CEACAM1: variants seen among roughly 807,000 people sequenced by gnomAD.
The protein encoded by CEACAM1 is cell adhesion molecule CEACAM1.
In CEACAM1, 31 loss-of-function variants were observed where a neutral mutation model predicts 49.1. The ratio of observed to expected loss-of-function variants is 0.63; its 90% CI spans 0.47 to 0.85. The LOEUF (loss-of-function observed/expected upper bound fraction) is 0.85, where lower values mean the gene tolerates loss of function less well. Among genes scored for constraint, CEACAM1 ranks in the 40% least tolerant of loss-of-function variants. The pLI is 0.00. For synonymous variants in CEACAM1, 244 were observed against 247.8 expected (o/e 0.98, Z 0.14); for missense variants, 570 against 645.3 (o/e 0.88, Z 1.26).
At chr19:42,509,376 G>T in intron 8 of CEACAM1, 148 bp from the exon 9 acceptor site, 1 of 832,568 alleles carries the variant, frequency 1.2e-6, no homozygotes, top group Non-Finnish European at 1.9e-6. Flanking sequence ...TCTGCTTGCT[G>T]ACCTCCTGAT....
At chr19:42,521,555 C>T (rs777674472) in intron 3 of CEACAM1, 34 bp from the exon 4 acceptor site, 3 of 1,600,392 alleles carry the variant, frequency 1.9e-6, no homozygotes, top group Non-Finnish European at 1.7e-6. Context: ...CAGGTGATGT[C>T]ATCAGAGGGA....
chr19:42,515,897 T>C (rs1005764241), intron 5 of CEACAM1, among the ~76,000 whole-genome samples: 1 of 152,158 alleles, frequency 6.6e-6, no homozygotes, highest in Non-Finnish European at 1.5e-5. Context: ...CCTGCCATGA[T>C]AGAATCATGA....
intron 5 of CEACAM1, among the ~76,000 whole-genome samples, chr19:42,515,759 A>G (rs191824715): frequency 9.3e-4 from 141 of 152,370 alleles, no homozygotes; most frequent in Admixed American, 3.5e-3. Context: ...TACTAAAGTC[A>G]GAAATGAAAG....
chr19:42,517,809 C>T (rs2041635900), intron 5 of CEACAM1, among the ~76,000 whole-genome samples: 1 of 152,186 alleles, frequency 6.6e-6, no homozygotes, highest in Non-Finnish European at 1.5e-5. Flanking sequence ...CCATTTGATC[C>T]AGCAATTCCA....
In CEACAM1 at chr19:42,521,990, A is replaced by G; in HGVS notation, c.637T>C (p.Tyr213His). ...LSVTRNDTGP[Y>H]ECEIQNPVSA... is the part of the protein sequence containing the mutation. ...ACTGGGTTCTGTATTTCACACTCATAGGGTCCTGTGTCATTCCTTGTGACA... is the reference window on the plus strand; with the variant it reads ...ACTGGGTTCTGTATTTCACACTCATGGGGTCCTGTGTCATTCCTTGTGACA... Residue 213 changes from tyrosine to histidine, a missense_variant, in exon 3 of 9, where the codon TAT (tyrosine) becomes CAT (histidine). Physicochemically the swap from Tyr to His is moderately conservative, Grantham distance 83. Transcript: ENST00000161559. The G allele has an allele frequency of 6.2e-7, 1 of 1,614,206 alleles. No homozygotes were observed. Among genetic ancestry groups the G allele is most frequent in the Non-Finnish European group, 8.5e-7 (1 of 1,180,036 alleles).
chr19:42,518,900 C>T, intron 5 of CEACAM1, 48 bp downstream of exon 5: 1 of 1,593,946 alleles, frequency 6.3e-7, no homozygotes, highest in Non-Finnish European at 8.6e-7. Context: ...ACACCATTGA[C>T]AGAGTAATCC....
rs1271116155 is a variant in CEACAM1 at position 42,518,967 on chromosome 19, G to A, written c.1227C>T (p.Pro409=). ...ACTTACAGTTTACGTTCAGCATGAT[G>A]GGGTCGCTTTGGTTCTTACTGATTG... The part of the protein sequence containing the change: ...FNPISKNQSD[P]IMLNVNYNAL... Residue 409 remains proline, a synonymous_variant, in exon 5 of 9, where the codon CCC becomes CCT. Transcript: ENST00000161559. The A allele has an allele frequency of 6.8e-6, 11 of 1,614,086 alleles. No individual in the cohort carries two copies. The highest frequency in any genetic ancestry group is 1.6e-4 in the Middle Eastern group (1 of 6,080).
chr19:42,527,615 G>C (rs1472539471), intron 1 of CEACAM1: 1 of 622,194 alleles, frequency 1.6e-6, no homozygotes, highest in East Asian at 3.2e-5. Flanking sequence ...TCATTTCTCT[G>C]GAATGCCCTT....
chr19:42,512,385 G>C lies in CEACAM1; in HGVS notation c.1341C>G (p.Ala447=), dbSNP rs779741986. The C allele has an allele frequency of 6.2e-7, 1 of 1,614,094 alleles. No homozygotes were observed. The highest frequency in any genetic ancestry group is 1.7e-5 in the Admixed American group (1 of 60,020). Residue 447 remains alanine (A), a synonymous_variant, in exon 6 of 9, where the codon GCC becomes GCG. Coordinates refer to ENST00000161559, the MANE Select transcript of CEACAM1 (RefSeq NM_001712.5). ...VVALVALIAV[A]LACFLHFGKT... is the part of the protein sequence containing the mutation. ...TCCCGAAATGCAGAAAACATGCCAG[G>C]GCTACTGCTATCAGAGCAACCAGGG...
chr19:42,511,522 G>T, intron 7 of CEACAM1, 54 bp downstream of exon 7: 1 of 1,426,368 alleles, frequency 7.0e-7, no homozygotes, highest in Non-Finnish European at 9.9e-7. Context: ...CCTGCCAGGG[G>T]AGGGCACGTG....
At chr19:42,511,422 G>T in intron 7 of CEACAM1, 154 bp downstream of exon 7, 1 of 675,934 alleles carries the variant, frequency 1.5e-6, no homozygotes. Flanking sequence ...TAGGAAGGGT[G>T]GGAAGACCTA....
At chr19:42,527,965 C>T in intron 1 of CEACAM1, 1 of 267,696 alleles carries the variant, frequency 3.7e-6, no homozygotes, top group Non-Finnish European at 7.0e-6. Context: ...GTTTATTTGC[C>T]AATATCTGAG....
chr19:42,524,769 G>A (rs967106864), intron 2 of CEACAM1, among the ~76,000 whole-genome samples: 1 of 152,154 alleles, frequency 6.6e-6, no homozygotes, highest in African/African-American at 2.4e-5. Flanking sequence ...AGTGAGCAGT[G>A]GGGGCTAAGT....
At chr19:42,512,962 A>C (rs889418703) in intron 5 of CEACAM1, among the ~76,000 whole-genome samples, 1 of 152,074 alleles carries the variant, frequency 6.6e-6, no homozygotes, top group African/African-American at 2.4e-5. Flanking sequence ...CACTGCGCCC[A>C]ACCCCAGTCA....
Position 42,522,160 on chromosome 19 carries a change from G to A in CEACAM1, c.467C>T (p.Pro156Leu). 1.2e-6 allele frequency: 2 copies of A among 1,614,262 alleles called. No individual in the cohort carries two copies. The highest frequency in any genetic ancestry group is 1.1e-5 in the South Asian group (1 of 91,088). ...KPSISSNNSN[P>L]VEDKDAVAFT... ...GGCCACAGCATCCTTGTCCTCCACA[G>A]GGTTGGAGTTGTTGCTGGAGATGGA... Residue 156 changes from proline to leucine, a missense_variant, in exon 3 of 9, where the codon CCT becomes CTT. Coordinates refer to ENST00000161559, the MANE Select transcript of CEACAM1 (RefSeq NM_001712.5).
intron 1 of CEACAM1, among the ~76,000 whole-genome samples, 176 bp from the exon 2 acceptor site, chr19:42,527,576 C>CCCTTAG (rs2041928068): frequency 6.7e-6 from 1 of 150,158 alleles, no homozygotes. Context: ...AGCAGTGTGA[C>CCCTTAG]TCCCATTCCC....
intron 5 of CEACAM1, chr19:42,515,134 G>C: frequency 1.6e-6 from 1 of 607,712 alleles, no homozygotes. Flanking sequence ...AAATTAGCCA[G>C]ATGTGGTAGT....
chr19:42,508,838 G>A lies in CEACAM1; in HGVS notation c.*271C>T. 2.5e-6 allele frequency: 1 copy of A among 399,620 alleles called. No individual in the cohort carries two copies. Among genetic ancestry groups the A allele is most frequent in the Non-Finnish European group, 4.6e-6 (1 of 217,930 alleles). 24.8% of individuals were successfully genotyped at this position (399,620 alleles called of 1,614,324 possible). A position where few individuals can be genotyped will look rare whatever the true frequency, so the allele number is the denominator to read the frequency against. On this transcript the variant is annotated 3_prime_UTR_variant, in exon 9 of 9. Coordinates refer to ENST00000161559, the MANE Select transcript of CEACAM1 (RefSeq NM_001712.5). ...AGGTTGGGAAAAGGGGAAGGGAGGGGAAGTTCTGGTCCCTCTTTCCCAAAG... is the reference window on the plus strand; with the variant it reads ...AGGTTGGGAAAAGGGGAAGGGAGGGAAAGTTCTGGTCCCTCTTTCCCAAAG...
At position 42,521,449 on chromosome 19, in the gene CEACAM1, C is replaced by T. The variant is rs771199807; in HGVS notation, c.776G>A (p.Cys259Tyr). 1.3e-5 allele frequency: 21 copies of T among 1,614,072 alleles called. No homozygotes were observed. The highest frequency in any genetic ancestry group is 1.8e-5 in the Non-Finnish European group (21 of 1,180,046). ...TGCAGGTGGGTTAGAGGCTGCATAG[C>T]AGGAGAGGCTGAGGTTTGCCCCTGG... ...YRPGANLSLS[C>Y]YAASNPPAQY... Residue 259 changes from cysteine (C) to tyrosine (Y), a missense_variant, in exon 4 of 9, where the codon TGC becomes TAC. Transcript: ENST00000161559.
Sources: gnomAD v4.1 joint callset for allele counts (sites outside exome capture counted in the v4.1 genomes callset) on GRCh38, gnomAD v4.1.1 for gene constraint, MANE v1.5 for transcripts, NCBI Gene and HGNC (gene_info 2026-07-23, HGNC 2026-07-21) for gene names.